Variants in LRRC7 observed in about 807,000 individuals in gnomAD.
LRRC7 encodes leucine rich repeat containing 7.
Under a neutral mutation model 175.7 loss-of-function variants are expected in LRRC7, and 23 were observed. The ratio of observed to expected loss-of-function variants is 0.13; its 90% CI spans 0.09 to 0.19. The LOEUF is 0.19. Among genes scored for constraint, LRRC7 ranks in the 10% least tolerant of loss-of-function variants. LRRC7 has a pLI of 1.00. For missense variants in LRRC7, 1,354 were observed against 1,904.7 expected, an observed-to-expected ratio of 0.71 and a Z score of 5.38; for synonymous variants, 685 against 680.9, an observed-to-expected ratio of 1.01 and a Z score of -0.09.
chr1:69,991,368 C>T (rs1654419888), intron 10 of LRRC7, among the ~76,000 whole-genome samples: 1 of 152,098 alleles, frequency 6.6e-6, no homozygotes, highest in Non-Finnish European at 1.5e-5. Flanking sequence ...ATATATTTTA[C>T]ACCTTCATTT....
At chr1:69,682,675 C>T (rs1660642438) in intron 2 of LRRC7, among the ~76,000 whole-genome samples, 1 of 152,098 alleles carries the variant, frequency 6.6e-6, no homozygotes, top group South Asian at 2.1e-4. Flanking sequence ...ACCAAATCTG[C>T]CAACATCTTG....
At chr1:70,090,813 ACTT>A (rs1475843752) in intron 25 of LRRC7, among the ~76,000 whole-genome samples, 1 of 152,128 alleles carries the variant, frequency 6.6e-6, no homozygotes, top group African/African-American at 2.4e-5. Context: ...TATGAGACCT[ACTT>A]CTGAAAAACC....
chr1:69,710,565 A>C (rs956689328), intron 2 of LRRC7, among the ~76,000 whole-genome samples: 7 of 152,158 alleles, frequency 4.6e-5, no homozygotes, highest in Non-Finnish European at 7.3e-5. Context: ...ACTGGGCGTA[A>C]GGCAAAACCA....
At chr1:70,014,809 T>C (rs763241965) in intron 13 of LRRC7, among the ~76,000 whole-genome samples, 1 of 152,084 alleles carries the variant, frequency 6.6e-6, no homozygotes, top group Non-Finnish European at 1.5e-5. Flanking sequence ...ACTGCACATT[T>C]ATGTTACCAA....
intron 8 of LRRC7, among the ~76,000 whole-genome samples, chr1:69,957,572 A>G (rs770554989): frequency 6.6e-5 from 10 of 151,882 alleles, no homozygotes; most frequent in Non-Finnish European, 1.5e-4. Context: ...CTCCTATACT[A>G]GATATTGATT....
At chr1:69,852,778 A>G (rs1683130997) in intron 7 of LRRC7, among the ~76,000 whole-genome samples, 3 of 152,282 alleles carry the variant, frequency 2.0e-5, no homozygotes, top group Admixed American at 1.3e-4. Context: ...TTATAGGAAA[A>G]TTTGTTACAG....
chr1:69,886,288 A>T (rs1196565151), intron 7 of LRRC7, among the ~76,000 whole-genome samples: 1 of 151,750 alleles, frequency 6.6e-6, no homozygotes, highest in East Asian at 2.0e-4. Context: ...TTGCTTTACG[A>T]ATCTGGGTGC....
chr1:70,050,069 AT>A (rs1031930169), intron 22 of LRRC7, among the ~76,000 whole-genome samples: 2 of 151,992 alleles, frequency 1.3e-5, no homozygotes, highest in African/African-American at 4.8e-5. Context: ...ATCTAAGCTT[AT>A]TTAACTCACT....
rs780110140 is a variant in LRRC7 at position 70,039,650 on chromosome 1, G to A, written c.3826G>A (p.Gly1276Ser). The A allele has an allele frequency of 6.2e-7, 1 of 1,614,050 alleles. No homozygotes were observed. Among genetic ancestry groups the A allele is most frequent in the East Asian group, 2.2e-5 (1 of 44,838 alleles). Residue 1276 changes from glycine to serine, a missense_variant, in exon 21 of 27, where the codon GGT becomes AGT. Physicochemically the swap from Gly to Ser is moderately conservative, Grantham distance 56. Coordinates refer to ENST00000651989, the MANE Select transcript of LRRC7 (RefSeq NM_001370785.2). ...AAAAATACCATCTGACTATAACTTGGGTAACTATGGTGACAAGCCATCAGA... is the reference window on the plus strand; with the variant it reads ...AAAAATACCATCTGACTATAACTTGAGTAACTATGGTGACAAGCCATCAGA... ...LEKIPSDYNL[G>S]NYGDKPSDNS...
intron 5 of LRRC7, among the ~76,000 whole-genome samples, chr1:69,826,878 C>T (rs79596159): frequency 0.017 from 2,593 of 151,952 alleles, 77 homozygotes; most frequent in African/African-American, 0.059. Flanking sequence ...GAAAGTGGTT[C>T]TCTATGGATG....
At chr1:70,084,701 T>C (rs922772179) in intron 24 of LRRC7, among the ~76,000 whole-genome samples, 18 of 152,188 alleles carry the variant, frequency 1.2e-4, no homozygotes, top group Non-Finnish European at 1.2e-4. Flanking sequence ...ATATGGTAAT[T>C]ATGTTTAGCA....
chr1:69,821,172 T>G (rs1042182616), intron 4 of LRRC7, among the ~76,000 whole-genome samples: 3 of 152,166 alleles, frequency 2.0e-5, no homozygotes, highest in African/African-American at 4.8e-5. Context: ...TTTAAATAAG[T>G]GTTATGTACT....
intron 7 of LRRC7, among the ~76,000 whole-genome samples, chr1:69,889,760 CT>C (rs1645776368): frequency 6.6e-6 from 1 of 151,996 alleles, no homozygotes; most frequent in Non-Finnish European, 1.5e-5. Flanking sequence ...TGAGTCAAGA[CT>C]GTGCCACTCA....
chr1:69,572,471 G>A (rs72934500), intron 1 of LRRC7, among the ~76,000 whole-genome samples: 7,238 of 152,128 alleles, frequency 0.048, 573 homozygotes, highest in African/African-American at 0.16. Context: ...TAAAAACTCA[G>A]AATGAAAAGT....
At chr1:69,912,136 A>G (rs996268382) in intron 7 of LRRC7, among the ~76,000 whole-genome samples, 1 of 152,180 alleles carries the variant, frequency 6.6e-6, no homozygotes, top group Non-Finnish European at 1.5e-5. Context: ...TCATGGAACC[A>G]ATTCCCCCAA....
intron 8 of LRRC7, among the ~76,000 whole-genome samples, chr1:69,950,920 GGAAAAGAT>G (rs1213890323): frequency 6.6e-6 from 1 of 151,728 alleles, no homozygotes; most frequent in Non-Finnish European, 1.5e-5. Flanking sequence ...AAATTGAGTA[GGAAAAGAT>G]GAAACAGTTC....
chr1:69,781,784 AGAAAGGAAG>A (rs1673673364), intron 3 of LRRC7, among the ~76,000 whole-genome samples: 1 of 67,136 alleles, frequency 1.5e-5, no homozygotes, highest in African/African-American at 7.1e-5. Context: ...AAAGAAAGAA[AGAAAGGAAG>A]GAAGGAAGGA....
At chr1:69,701,917 C>T (rs977021583) in intron 2 of LRRC7, among the ~76,000 whole-genome samples, 9 of 152,106 alleles carry the variant, frequency 5.9e-5, no homozygotes, top group South Asian at 2.1e-4. Context: ...TTCCATTTTA[C>T]GTATTTAAAA....
At chr1:69,653,848 T>C (rs1656217220) in intron 1 of LRRC7, among the ~76,000 whole-genome samples, 1 of 152,078 alleles carries the variant, frequency 6.6e-6, no homozygotes, top group Non-Finnish European at 1.5e-5. Context: ...CTAAGTGACA[T>C]AAGCTAATCG....
Sources: gnomAD v4.1 joint callset for allele counts (sites outside exome capture counted in the v4.1 genomes callset) on GRCh38, gnomAD v4.1.1 for gene constraint, MANE v1.5 for transcripts, NCBI Gene and HGNC (gene_info 2026-07-23, HGNC 2026-07-21) for gene names.